The following NIPA2 variants were observed in gnomAD, a reference collection of about 807,000 sequenced individuals.
NIPA2 encodes magnesium transporter NIPA2.
NIPA2 carries 11 observed loss-of-function variants against 29.7 expected under a neutral mutation model. The ratio of observed to expected loss-of-function variants is 0.37; its 90% CI spans 0.23 to 0.61. The LOEUF is 0.61. Among genes scored for constraint, NIPA2 ranks in the 20% least tolerant of loss-of-function variants. NIPA2 has a pLI of 0.66. For synonymous variants in NIPA2, 183 were observed against 161.9 expected (o/e 1.13, Z -0.99); for missense variants, 426 against 437.9 (o/e 0.97, Z 0.24).
chr15:22,839,042 G>A (rs1896292956), intron 1 of NIPA2, 121 bp downstream of exon 1: 2 of 152,250 alleles, frequency 1.3e-5, no homozygotes, highest in South Asian at 2.1e-4. Context: ...GTTCTGAAGC[G>A]GTTTTCCTGT....
At chr15:22,840,566 C>T (rs954979012) in intron 2 of NIPA2, among the ~76,000 whole-genome samples, 4 of 152,142 alleles carry the variant, frequency 2.6e-5, no homozygotes, top group African/African-American at 9.7e-5. Context: ...CCCCAAAGTG[C>T]TGGGATTACA....
intron 3 of NIPA2, among the ~76,000 whole-genome samples, chr15:22,845,761 G>T (rs149539787): frequency 2.0e-5 from 3 of 152,168 alleles, no homozygotes; most frequent in East Asian, 3.9e-4. Context: ...GGAGAGGGGT[G>T]CCTGGCCAGG....
Position 22,867,225 on chromosome 15 carries a change from G to A in NIPA2, c.*378G>A, listed in dbSNP as rs928632193. On this transcript the variant is annotated 3_prime_UTR_variant, in exon 8 of 8. Coordinates refer to ENST00000337451, the MANE Select transcript of NIPA2 (RefSeq NM_030922.7). ...ACTCCATCAATCCCTGACCATGTAA[G>A]GCTTTTTTATTTTAAAAAAACAGAG... 20 of 404,620 alleles carry A rather than the reference G, an allele frequency of 4.9e-5. 1 individual carries two copies. The East Asian group carries it at 6.7e-4, about 14-fold the overall frequency. 25.1% of individuals were successfully genotyped at this position (404,620 alleles called of 1,614,324 possible).
At chr15:22,859,249 A>G (rs1388795212) in intron 6 of NIPA2, among the ~76,000 whole-genome samples, 1 of 151,562 alleles carries the variant, frequency 6.6e-6, no homozygotes, top group Non-Finnish European at 1.5e-5. Flanking sequence ...GTGCATGTGC[A>G]CTTTGGTAGG....
intron 2 of NIPA2, among the ~76,000 whole-genome samples, chr15:22,844,875 A>G (rs554269529): frequency 6.6e-6 from 1 of 152,320 alleles, no homozygotes; most frequent in East Asian, 1.9e-4. Flanking sequence ...TGGAATTTTT[A>G]ATTCTCTTAG....
At position 22,851,954 on chromosome 15, in the gene NIPA2, T is replaced by A. The variant is rs560093932; in HGVS notation, c.139+84T>A. On this transcript the variant is annotated intron_variant, in intron 4 of 7. Coordinates refer to ENST00000337451, the MANE Select transcript of NIPA2 (RefSeq NM_030922.7). ...TCTTTGTACAAGACCACATCTTCAT[T>A]CCTCGTGAGTGTATTTGAAACTTTG... The A allele has an allele frequency of 6.4e-5, 75 of 1,175,764 alleles. 1 individual carries two copies. In the South Asian group the frequency reaches 1.0e-3, roughly 16 times the overall value. 72.8% of individuals were successfully genotyped at this position (1,175,764 alleles called of 1,614,324 possible).
In NIPA2 at chr15:22,851,258, T is replaced by C. The variant is rs1197699935; in HGVS notation, c.-93-381T>C. On this transcript the variant is annotated intron_variant, in intron 3 of 7. Coordinates refer to ENST00000337451, the MANE Select transcript of NIPA2 (RefSeq NM_030922.7). ...GGTGAGAAAATTTTGAGTTTCTTTG[T>C]ATAGATTATTCAAAAGGACACATTT... Among the ~76,000 whole-genome samples, 23 of 152,222 alleles carry C rather than the reference T, an allele frequency of 1.5e-4. 1 individual carries two copies. Among genetic ancestry groups the C allele is most frequent in the Admixed American group, 1.5e-3 (23 of 15,276 alleles).
At position 22,867,340 on chromosome 15, in the gene NIPA2, T is replaced by C. The variant is rs1048022997; in HGVS notation, c.*493T>C. 1 of 396,178 alleles carries C rather than the reference T, an allele frequency of 2.5e-6. No homozygotes were observed. The highest frequency in any genetic ancestry group is 4.4e-6 in the Non-Finnish European group (1 of 224,968). The allele number at this position is 396,178 out of a possible 1,614,324, so 24.5% of individuals were successfully genotyped here. On this transcript the variant is annotated 3_prime_UTR_variant, in exon 8 of 8. Transcript: ENST00000337451. ...TGATTGGTTTTATTTTTGAAATATT[T>C]ATTAAGGGAAAACTAAGTTACTGAA...
At chr15:22,856,541 TAAA>T (rs1414324237) in intron 5 of NIPA2, among the ~76,000 whole-genome samples, 4 of 152,074 alleles carry the variant, frequency 2.6e-5, no homozygotes, top group Non-Finnish European at 5.9e-5. Flanking sequence ...TTTTGGGAAT[TAAA>T]GAAGAAAGAG....
intron 3 of NIPA2, among the ~76,000 whole-genome samples, chr15:22,848,220 C>G (rs1248240392): frequency 6.6e-6 from 1 of 152,060 alleles, no homozygotes; most frequent in Non-Finnish European, 1.5e-5. Context: ...TTCTCACTCC[C>G]ATTTTCGTAG....
chr15:22,854,424 C>T (rs1336576829), intron 5 of NIPA2, among the ~76,000 whole-genome samples: 2 of 150,102 alleles, frequency 1.3e-5, no homozygotes, highest in African/African-American at 2.4e-5. Context: ...CGTGCCTGGC[C>T]TCTTAGTTAT....
chr15:22,846,807 C>A (rs1898773433), intron 3 of NIPA2, among the ~76,000 whole-genome samples: 1 of 139,410 alleles, frequency 7.2e-6, no homozygotes, highest in Admixed American at 7.8e-5. Context: ...CAGAATGAGA[C>A]CCTGTCTCCA....
chr15:22,858,499 A>T, intron 5 of NIPA2, 41 bp from the exon 6 acceptor site: 1 of 1,339,752 alleles, frequency 7.5e-7, no homozygotes, highest in Non-Finnish European at 1.1e-6. Context: ...TTGAGTACAT[A>T]CATTCTTACC....
intron 2 of NIPA2, among the ~76,000 whole-genome samples, 183 bp downstream of exon 2, chr15:22,839,973 C>G (rs569739066): frequency 5.9e-5 from 9 of 152,276 alleles, no homozygotes; most frequent in African/African-American, 2.2e-4. Context: ...TGTCCCCAGG[C>G]TAGACGGTGC....
intron 5 of NIPA2, among the ~76,000 whole-genome samples, chr15:22,856,496 G>T (rs567687773): frequency 6.6e-6 from 1 of 151,908 alleles, no homozygotes; most frequent in Admixed American, 6.5e-5. Context: ...CAAATTCCTT[G>T]ATTGAATTTT....
chr15:22,853,406 C>G, intron 5 of NIPA2, 138 bp downstream of exon 5: 2 of 480,900 alleles, frequency 4.2e-6, no homozygotes, highest in South Asian at 5.8e-5. Context: ...CAGAGTCTCA[C>G]TCTGTCACCC....
chr15:22,852,747 G>C (rs2057869557), intron 4 of NIPA2, among the ~76,000 whole-genome samples: 1 of 152,180 alleles, frequency 6.6e-6, no homozygotes, highest in South Asian at 2.1e-4. Flanking sequence ...CCGGTGTTAA[G>C]TGGCGTTATG....
intron 7 of NIPA2, among the ~76,000 whole-genome samples, chr15:22,865,638 G>A (rs2058980767): frequency 6.6e-6 from 1 of 152,118 alleles, no homozygotes; most frequent in Admixed American, 6.5e-5. Context: ...GAATTGCTGA[G>A]AAAAATGCCT....
chr15:22,839,418 T>C (rs1287503751), intron 1 of NIPA2, among the ~76,000 whole-genome samples: 2 of 152,240 alleles, frequency 1.3e-5, no homozygotes, highest in African/African-American at 2.4e-5. Flanking sequence ...TAAGTTCTGT[T>C]TCTAGAAATC....
Sources: allele counts gnomAD v4.1 joint callset (sites outside exome capture counted in the v4.1 genomes callset), GRCh38; gene constraint gnomAD v4.1.1; transcripts MANE v1.5; gene names NCBI Gene and HGNC (gene_info 2026-07-23, HGNC 2026-07-21).